Variants in CPNE4 observed in about 807,000 individuals in gnomAD.
CPNE4 encodes copine-4.
A neutral mutation model predicts 67.9 loss-of-function variants in CPNE4; 25 were observed. The observed-to-expected ratio is 0.37, with a 90% CI of 0.27 to 0.51. The LOEUF is 0.51. CPNE4 is among the 20% of genes least tolerant of loss of function. The pLI is 0.93. For missense variants in CPNE4, 464 were observed against 690.8 expected (o/e 0.67, Z 3.68); for synonymous variants, 242 against 244.9 (o/e 0.99, Z 0.11).
chr3:131,809,877 C>T (rs2107936380), intron 2 of CPNE4, among the ~76,000 whole-genome samples: 1 of 152,042 alleles, frequency 6.6e-6, no homozygotes, highest in Non-Finnish European at 1.5e-5. Context: ...GGATATTAGA[C>T]TTTATCCTTG....
chr3:131,706,397 AT>A (rs1320495751), intron 3 of CPNE4, among the ~76,000 whole-genome samples: 2 of 152,242 alleles, frequency 1.3e-5, no homozygotes, highest in African/African-American at 4.8e-5. Flanking sequence ...ATGTATATTG[AT>A]TCACTTAATT....
At chr3:131,552,190 CTG>C (rs2107646112) in intron 13 of CPNE4, among the ~76,000 whole-genome samples, 1 of 152,002 alleles carries the variant, frequency 6.6e-6, no homozygotes, top group Non-Finnish European at 1.5e-5. Context: ...GAATCCCAGA[CTG>C]GGATCAACAT....
At chr3:131,938,312 G>A (rs891158719) in intron 1 of CPNE4, among the ~76,000 whole-genome samples, 5 of 151,578 alleles carry the variant, frequency 3.3e-5, no homozygotes, top group Admixed American at 2.6e-4. Flanking sequence ...AACTGTGATC[G>A]TACCACTGCA....
chr3:132,021,268 G>T (rs1020932021), intron 1 of CPNE4, among the ~76,000 whole-genome samples: 4 of 152,172 alleles, frequency 2.6e-5, no homozygotes, highest in Non-Finnish European at 4.4e-5. Flanking sequence ...CATTCATCTA[G>T]AAATATATAA....
intron 2 of CPNE4, among the ~76,000 whole-genome samples, chr3:131,880,958 G>C (rs546563906): frequency 6.6e-6 from 1 of 152,268 alleles, no homozygotes; most frequent in South Asian, 2.1e-4. Flanking sequence ...GAAAAAAGTA[G>C]CCTCTGCCAT....
At chr3:131,825,948 T>G (rs72987777) in intron 2 of CPNE4, among the ~76,000 whole-genome samples, 4,815 of 152,290 alleles carry the variant, frequency 0.032, 182 homozygotes, top group South Asian at 0.095. Context: ...TGGGTCTTTA[T>G]AGGCCCCCTT....
At chr3:131,707,618 TC>T (rs1156480066) in intron 3 of CPNE4, among the ~76,000 whole-genome samples, 1 of 152,148 alleles carries the variant, frequency 6.6e-6, no homozygotes, top group Non-Finnish European at 1.5e-5. Flanking sequence ...ACAGTCCAGT[TC>T]CAGAGTTCAT....
intron 1 of CPNE4, among the ~76,000 whole-genome samples, chr3:131,945,844 G>T (rs1429592371): frequency 6.6e-6 from 1 of 152,148 alleles, no homozygotes; most frequent in East Asian, 1.9e-4. Flanking sequence ...ATAGGATAAT[G>T]AGAAAATGCT....
rs1171488712 is a variant in CPNE4, at chr3:131,830,480, C to T, written c.180+74784G>A. ...TCCTTTACACCCTACACTACAACTA[C>T]TCAGGTCTCCTTGATATTTTTTGAA... On this transcript the variant is annotated intron_variant, in intron 2 of 15. Coordinates refer to ENST00000429747, the MANE Select transcript of CPNE4 (RefSeq NM_130808.3). Among the ~76,000 whole-genome samples the T allele has an allele frequency of 7.9e-5, 12 of 152,226 alleles. No homozygotes were observed. In the East Asian group the frequency reaches 2.3e-3, roughly 29 times the overall value.
At chr3:131,660,683 G>C (rs1322351029) in intron 7 of CPNE4, among the ~76,000 whole-genome samples, 2 of 152,144 alleles carry the variant, frequency 1.3e-5, no homozygotes, top group Non-Finnish European at 2.9e-5. Context: ...ATTTAGGCTA[G>C]TTATTTAATC....
rs568614051 is a variant in CPNE4, at chr3:132,011,207, G to A, written c.-2+23360C>T. 2.1e-4 allele frequency among the ~76,000 whole-genome samples: 32 copies of A among 152,276 alleles called. No individual in the cohort carries two copies. In the South Asian group the frequency reaches 6.2e-3, roughly 30 times the overall value. ...TGAGAAGAAGAGTCCCAGAGCTCAG[G>A]CCCACAGTAGATAGATCCCTTGTGC... On this transcript the variant is annotated intron_variant, in intron 1 of 15. Transcript: ENST00000429747.
intron 7 of CPNE4, among the ~76,000 whole-genome samples, chr3:131,646,272 A>G (rs1200250694): frequency 6.6e-6 from 1 of 152,188 alleles, no homozygotes; most frequent in Non-Finnish European, 1.5e-5. Flanking sequence ...TGTAAAATGA[A>G]TCAATATACA....
chr3:131,558,241 A>T (rs1270866172), intron 11 of CPNE4, among the ~76,000 whole-genome samples: 1 of 152,086 alleles, frequency 6.6e-6, no homozygotes, highest in Non-Finnish European at 1.5e-5. Context: ...AAAAGTTTTA[A>T]GCCTAAGCAC....
chr3:131,561,359 G>A (rs113525228), intron 11 of CPNE4, among the ~76,000 whole-genome samples: 6 of 151,712 alleles, frequency 4.0e-5, no homozygotes, highest in East Asian at 2.0e-4. Flanking sequence ...GTGTGTGTGC[G>A]CACATACATG....
rs182244323 is a variant in CPNE4, at chr3:131,707,421, C to T, written c.361-7441G>A. 5.1e-3 allele frequency among the ~76,000 whole-genome samples: 781 copies of T among 152,300 alleles called. 6 individuals are homozygous for T. Among genetic ancestry groups the T allele is most frequent in the African/African-American group, 0.017 (698 of 41,562 alleles). On this transcript the variant is annotated intron_variant, in intron 3 of 15. Coordinates refer to ENST00000429747, the MANE Select transcript of CPNE4 (RefSeq NM_130808.3). ...CCTGGTTAATCCAGGATGACCTTCT[C>T]GTCTTGAGATCCTTTACTTAATTAG... is the stretch of plus-strand genomic sequence containing the variant.
At chr3:131,711,578 C>A (rs920411521) in intron 3 of CPNE4, among the ~76,000 whole-genome samples, 2 of 152,140 alleles carry the variant, frequency 1.3e-5, no homozygotes, top group African/African-American at 4.8e-5. Context: ...GAGCATGCAC[C>A]TTTGCTGACC....
chr3:131,914,031 A>G (rs1288788231), intron 1 of CPNE4, among the ~76,000 whole-genome samples: 1 of 152,154 alleles, frequency 6.6e-6, no homozygotes, highest in Non-Finnish European at 1.5e-5. Context: ...TAATTCTTAT[A>G]TATCTTCCCA....
At chr3:131,756,666 T>G (rs1450977544) in intron 2 of CPNE4, among the ~76,000 whole-genome samples, 4 of 152,158 alleles carry the variant, frequency 2.6e-5, no homozygotes, top group African/African-American at 9.7e-5. Flanking sequence ...ACTGGGCCAT[T>G]AGTGACAGTT....
intron 1 of CPNE4, among the ~76,000 whole-genome samples, chr3:131,908,697 C>G (rs1189080406): frequency 2.6e-5 from 4 of 152,088 alleles, no homozygotes; most frequent in Non-Finnish European, 5.9e-5. Context: ...AAATACTATG[C>G]AAGCTACGAT....
Sources: gnomAD v4.1 joint callset for allele counts (sites outside exome capture counted in the v4.1 genomes callset) on GRCh38, gnomAD v4.1.1 for gene constraint, MANE v1.5 for transcripts, NCBI Gene and HGNC (gene_info 2026-07-23, HGNC 2026-07-21) for gene names.